CACNA1D: variants seen among roughly 807,000 people sequenced by gnomAD.
CACNA1D encodes the protein calcium voltage-gated channel subunit alpha1 D, also known as voltage-dependent L-type calcium channel subunit alpha-1D.
In CACNA1D, 55 loss-of-function variants were observed where a neutral mutation model predicts 257.1. The observed-to-expected ratio is 0.21, with a 90% CI of 0.17 to 0.27. The LOEUF (loss-of-function observed/expected upper bound fraction) is 0.27, where lower values mean the gene tolerates loss of function less well. Among genes scored for constraint, CACNA1D ranks in the 10% least tolerant of loss-of-function variants. CACNA1D has a pLI of 1.00. For synonymous variants in CACNA1D, 980 were observed against 1,014.9 expected (o/e 0.97, Z 0.65); for missense variants, 1,876 against 2,784.0 (o/e 0.67, Z 7.34).
At chr3:53,718,946 G>A (rs1179846679) in intron 10 of CACNA1D, among the ~76,000 whole-genome samples, 2 of 151,852 alleles carry the variant, frequency 1.3e-5, no homozygotes, top group Non-Finnish European at 2.9e-5. Flanking sequence ...CCCTGCACCA[G>A]CCTCTCCTCA....
chr3:53,770,158 G>T, intron 31 of CACNA1D, 141 bp downstream of exon 31: 1 of 809,396 alleles, frequency 1.2e-6, no homozygotes, highest in Non-Finnish European at 2.1e-6. Context: ...TTCATCATCA[G>T]TGTCCAGTAC....
At chr3:53,528,532 A>G (rs546391498) in intron 3 of CACNA1D, among the ~76,000 whole-genome samples, 10 of 152,180 alleles carry the variant, frequency 6.6e-5, no homozygotes, top group African/African-American at 1.7e-4. Context: ...TTGCATTTCT[A>G]TCTAAATTTT....
chr3:53,607,344 G>C (rs62251908), intron 3 of CACNA1D, among the ~76,000 whole-genome samples: 15,939 of 152,248 alleles, frequency 0.1, 917 homozygotes, highest in East Asian at 0.17. Context: ...CTGACTTTAA[G>C]ATAGGAAAAT....
intron 29 of CACNA1D, among the ~76,000 whole-genome samples, chr3:53,759,102 A>C (rs2095284673): frequency 6.6e-6 from 1 of 152,200 alleles, no homozygotes; most frequent in African/African-American, 2.4e-5. Flanking sequence ...TAAGGGTGTC[A>C]ACCTTCAGTC....
intron 28 of CACNA1D, among the ~76,000 whole-genome samples, chr3:53,752,413 T>G (rs975041564): frequency 2.6e-5 from 4 of 152,234 alleles, no homozygotes; most frequent in Admixed American, 2.6e-4. Context: ...TTTTGCCTTT[T>G]GTTTTTGAGG....
intron 8 of CACNA1D, among the ~76,000 whole-genome samples, chr3:53,691,781 C>T (rs7618669): frequency 2.2e-5 from 1 of 45,136 alleles, no homozygotes; most frequent in Non-Finnish European, 4.4e-5. Flanking sequence ...TATATTATAT[C>T]TATAATATAT....
intron 45 of CACNA1D, among the ~76,000 whole-genome samples, chr3:53,805,621 C>T (rs751430480): frequency 6.6e-6 from 1 of 152,146 alleles, no homozygotes; most frequent in Non-Finnish European, 1.5e-5. Flanking sequence ...CTCTGAGGGC[C>T]ACCTGGGCAT....
chr3:53,800,893 A>T lies in CACNA1D; in HGVS notation c.5041-165A>T. On this transcript the variant is annotated intron_variant, in intron 41 of 47. Transcript: ENST00000350061. This position sits in a 1 kb window ranked among gnomAD's most constrained non-coding sequence, Gnocchi z 4.3. ...CCTCATCTCGGGGGGACCAACTGCC[A>T]CACAGTCACATTCACCCTGATCATT... The T allele has an allele frequency of 1.4e-6, 1 of 704,472 alleles. No homozygotes were observed. The highest frequency in any genetic ancestry group is 2.5e-6 in the Non-Finnish European group (1 of 402,704). 43.6% of individuals were successfully genotyped at this position (704,472 alleles called of 1,614,324 possible).
chr3:53,723,390 T>C lies in CACNA1D; in HGVS notation c.1667-44T>C. ...GTGAGGGGCACGAGCAGTCTGAGTG[T>C]CTTGCAGGAGACCCTGAGGATGGGT... On this transcript the variant is annotated intron_variant, in intron 12 of 47. Transcript: ENST00000350061. This position sits in a 1 kb window ranked among gnomAD's most constrained non-coding sequence, Gnocchi z 5.6. 2 of 1,446,728 alleles carry C rather than the reference T, an allele frequency of 1.4e-6. No individual in the cohort carries two copies. The highest frequency in any genetic ancestry group is 4.5e-5 in the East Asian group (2 of 44,098). The allele number at this position is 1,446,728 out of a possible 1,614,324, so 89.6% of individuals were successfully genotyped here. A position where few individuals can be genotyped will look rare whatever the true frequency, so the allele number is the denominator to read the frequency against.
rs552765883 is a variant in CACNA1D, at chr3:53,594,734, CAGCCTTCTTGA to C, written c.484-56035_484-56025del. On this transcript the variant is annotated intron_variant, in intron 3 of 47. Coordinates refer to ENST00000350061, the MANE Select transcript of CACNA1D (RefSeq NM_001128840.3). ...ACTCTCTGCATGCAGAAAAGAGCAG[CAGCCTTCTTGA>C]AGCCTTCTTACCTTTCTCACGTTAG... 1.2e-4 allele frequency among the ~76,000 whole-genome samples: 18 copies of C among 152,374 alleles called. No individual in the cohort carries two copies. The South Asian group carries it at 3.3e-3, about 28-fold the overall frequency.
intron 3 of CACNA1D, among the ~76,000 whole-genome samples, chr3:53,576,882 G>A (rs1359669213): frequency 3.3e-5 from 5 of 152,204 alleles, no homozygotes; most frequent in Non-Finnish European, 7.3e-5. Context: ...GTTCACCTAT[G>A]TGTTGATTTT....
chr3:53,546,452 C>T (rs985376914), intron 3 of CACNA1D, among the ~76,000 whole-genome samples: 2 of 152,074 alleles, frequency 1.3e-5, no homozygotes, highest in Admixed American at 6.6e-5. Flanking sequence ...ATCAGGGTTC[C>T]GATTAATCTG....
At chr3:53,769,888 A>T (rs978935960) in intron 30 of CACNA1D, 85 bp from the exon 31 acceptor site, 18 of 1,087,266 alleles carry the variant, frequency 1.7e-5, no homozygotes, top group African/African-American at 1.4e-4. Flanking sequence ...GGAACCACAC[A>T]TTTTTTTAAA....
intron 8 of CACNA1D, among the ~76,000 whole-genome samples, chr3:53,683,136 C>T (rs1211070717): frequency 6.6e-6 from 1 of 152,178 alleles, no homozygotes; most frequent in Non-Finnish European, 1.5e-5. Flanking sequence ...CTCCAGTACT[C>T]AGAGTGGAGG....
At chr3:53,579,236 C>G (rs1028310428) in intron 3 of CACNA1D, among the ~76,000 whole-genome samples, 2 of 152,190 alleles carry the variant, frequency 1.3e-5, no homozygotes, top group African/African-American at 4.8e-5. Flanking sequence ...TGTGAAATAA[C>G]CAGAAAAGAC....
chr3:53,799,478 G>T (rs955518098), intron 40 of CACNA1D, among the ~76,000 whole-genome samples: 6 of 152,230 alleles, frequency 3.9e-5, no homozygotes, highest in African/African-American at 1.4e-4. Context: ...TCTGTGACGG[G>T]CCCAGAGGGA....
At chr3:53,806,169 C>G (rs1559723245) in intron 45 of CACNA1D, among the ~76,000 whole-genome samples, 1 of 113,976 alleles carries the variant, frequency 8.8e-6, no homozygotes. Flanking sequence ...TTTCCCTCCC[C>G]CTCTCCTCCC....
At chr3:53,700,874 TTTTTTA>T (rs1341401571) in intron 8 of CACNA1D, among the ~76,000 whole-genome samples, 4 of 151,834 alleles carry the variant, frequency 2.6e-5, no homozygotes, top group South Asian at 4.2e-4. Flanking sequence ...TCTTTCTTTC[TTTTTTA>T]TTTTTATTTT....
chr3:53,780,276 C>A, intron 38 of CACNA1D, 148 bp downstream of exon 38: 1 of 700,576 alleles, frequency 1.4e-6, no homozygotes, highest in Non-Finnish European at 2.6e-6. Flanking sequence ...CCATGCTGGG[C>A]TTGCCGGCTG....
Sources: gnomAD v4.1 joint callset for allele counts (sites outside exome capture counted in the v4.1 genomes callset) on GRCh38, gnomAD v4.1.1 for gene constraint, Gnocchi (gnomAD v3.1) non-coding constraint, MANE v1.5 for transcripts, NCBI Gene and HGNC (gene_info 2026-07-23, HGNC 2026-07-21) for gene names.